Variants in CACNA2D3 observed in about 807,000 individuals in gnomAD.
CACNA2D3 encodes voltage-dependent calcium channel subunit alpha-2/delta-3.
Under a neutral mutation model 160.6 loss-of-function variants are expected in CACNA2D3, and 60 were observed. The observed-to-expected ratio is 0.37, with a 90% CI of 0.30 to 0.46. The LOEUF (loss-of-function observed/expected upper bound fraction) is 0.46. Among genes scored for constraint, CACNA2D3 ranks in the 20% least tolerant of loss-of-function variants. CACNA2D3 has a pLI of 1.00. For missense variants in CACNA2D3, 1,205 were observed against 1,365.0 expected, an observed-to-expected ratio of 0.88 and a Z score of 1.85; for synonymous variants, 558 against 492.9, an observed-to-expected ratio of 1.13 and a Z score of -1.75.
chr3:54,499,149 A>T (rs1701248650), intron 4 of CACNA2D3, among the ~76,000 whole-genome samples: 1 of 152,100 alleles, frequency 6.6e-6, no homozygotes, highest in Admixed American at 6.6e-5. Context: ...CCCCCAATAA[A>T]AATCCTGAAT....
intron 2 of CACNA2D3, among the ~76,000 whole-genome samples, chr3:54,176,847 G>T (rs527599645): frequency 6.6e-6 from 1 of 152,068 alleles, no homozygotes. Context: ...TTTGGTTGGG[G>T]TTGGGGGAGT....
At chr3:54,567,479 T>G (rs1559514642) in intron 6 of CACNA2D3, among the ~76,000 whole-genome samples, 1 of 151,836 alleles carries the variant, frequency 6.6e-6, no homozygotes, top group Non-Finnish European at 1.5e-5. Context: ...TTCAGTAGGA[T>G]AGGCAGTATC....
intron 9 of CACNA2D3, among the ~76,000 whole-genome samples, chr3:54,618,387 A>ATG (rs1575385150): frequency 6.8e-6 from 1 of 147,346 alleles, no homozygotes. Flanking sequence ...ACACACACAC[A>ATG]CACACACACA....
At chr3:54,289,915 G>T (rs1703142373) in intron 2 of CACNA2D3, among the ~76,000 whole-genome samples, 1 of 151,962 alleles carries the variant, frequency 6.6e-6, no homozygotes, top group Non-Finnish European at 1.5e-5. Context: ...ATTCAAGATG[G>T]ATTAAAGATT....
chr3:54,261,946 C>A (rs1702408528), intron 2 of CACNA2D3, among the ~76,000 whole-genome samples: 1 of 152,158 alleles, frequency 6.6e-6, no homozygotes. Flanking sequence ...TATGTCCCAT[C>A]CTAATAAGCC....
At position 54,817,279 on chromosome 3, in the gene CACNA2D3, A is replaced by G. The variant is rs553933776; in HGVS notation, c.1398+409A>G. Among the ~76,000 whole-genome samples the G allele has an allele frequency of 4.7e-4, 71 of 152,366 alleles. 1 individual carries two copies. In the South Asian group the frequency reaches 0.014, roughly 30 times the overall value. On this transcript the variant is annotated intron_variant, in intron 14 of 37. Transcript: ENST00000474759. Reference sequence around the variant, plus strand: ...TTTAAATTTGGGGCTCCTAAGCCAAATCGCTGAAAACTTATTGGATTTTAT... The same window carrying G: ...TTTAAATTTGGGGCTCCTAAGCCAAGTCGCTGAAAACTTATTGGATTTTAT...
intron 14 of CACNA2D3, among the ~76,000 whole-genome samples, chr3:54,831,096 A>G (rs1469811841): frequency 6.6e-6 from 1 of 152,234 alleles, no homozygotes; most frequent in Non-Finnish European, 1.5e-5. Context: ...TAGAAGAAAT[A>G]TGATATTTGA....
At chr3:54,282,522 A>G (rs1320797457) in intron 2 of CACNA2D3, among the ~76,000 whole-genome samples, 2 of 152,174 alleles carry the variant, frequency 1.3e-5, no homozygotes, top group African/African-American at 2.4e-5. Context: ...GGAGTTGAGG[A>G]ATGGAAACTT....
rs534794144 is a variant in CACNA2D3, at chr3:55,049,027, A to G, written c.2988-24418A>G. Among the ~76,000 whole-genome samples the G allele has an allele frequency of 4.9e-3, 733 of 149,750 alleles. 4 individuals carry two copies. The highest frequency in any genetic ancestry group is 0.016 in the African/African-American group (631 of 40,556). ...TATTAGTCTTGCTAGCGGTCTATCA[A>G]TTTTGTTGATCCTTTCAAAAAACCA... is the stretch of plus-strand genomic sequence containing the variant. On this transcript the variant is annotated intron_variant, in intron 35 of 37. Coordinates refer to ENST00000474759, the MANE Select transcript of CACNA2D3 (RefSeq NM_018398.3).
intron 4 of CACNA2D3, among the ~76,000 whole-genome samples, chr3:54,436,817 T>C (rs777743341): frequency 1.3e-5 from 2 of 151,970 alleles, no homozygotes; most frequent in Non-Finnish European, 2.9e-5. Context: ...TTAGGACAAA[T>C]ATGTAAGGCA....
Position 54,405,328 on chromosome 3 carries a change from C to T in CACNA2D3, c.381+18554C>T, listed in dbSNP as rs776638187. On this transcript the variant is annotated intron_variant, in intron 4 of 37. Coordinates refer to ENST00000474759, the MANE Select transcript of CACNA2D3 (RefSeq NM_018398.3). ...CACATTTCCTGTTAAAATTATATTA[C>T]GAAGCATAACAATCAAAACAACATG... Among the ~76,000 whole-genome samples, 10 of 144,370 alleles carry T rather than the reference C, an allele frequency of 6.9e-5. 1 individual carries two copies. The highest frequency in any genetic ancestry group is 2.1e-4 in the Admixed American group (3 of 14,542). 94.7% of individuals were successfully genotyped at this position (144,370 alleles called of 152,430 possible). A position where few individuals can be genotyped will look rare whatever the true frequency, so the allele number is the denominator to read the frequency against.
At chr3:54,850,837 G>A (rs1049645850) in intron 17 of CACNA2D3, among the ~76,000 whole-genome samples, 1 of 152,236 alleles carries the variant, frequency 6.6e-6, no homozygotes, top group African/African-American at 2.4e-5. Flanking sequence ...ATGCTGTAGG[G>A]TTTTCATTCT....
intron 4 of CACNA2D3, among the ~76,000 whole-genome samples, chr3:54,464,580 A>AGT (rs1193333751): frequency 2.0e-5 from 3 of 152,138 alleles, no homozygotes; most frequent in Admixed American, 6.5e-5. Context: ...CTCCGAGCCA[A>AGT]GTGCGGGATA....
At chr3:54,596,900 C>A (rs1283849963) in intron 9 of CACNA2D3, among the ~76,000 whole-genome samples, 2 of 152,162 alleles carry the variant, frequency 1.3e-5, no homozygotes, top group African/African-American at 2.4e-5. Flanking sequence ...TCCCACCTAA[C>A]AAGGGGCTCA....
chr3:54,698,927 A>G (rs974251903), intron 11 of CACNA2D3, among the ~76,000 whole-genome samples: 2 of 152,176 alleles, frequency 1.3e-5, no homozygotes, highest in African/African-American at 2.4e-5. Flanking sequence ...ACAAATCACT[A>G]ACAACCACGT....
intron 2 of CACNA2D3, among the ~76,000 whole-genome samples, chr3:54,311,939 A>G (rs1270742808): frequency 6.6e-6 from 1 of 152,158 alleles, no homozygotes; most frequent in Non-Finnish European, 1.5e-5. Flanking sequence ...AGCTTGAAGG[A>G]ATAAAAAGAG....
At chr3:54,840,085 T>TCAGAAAA (rs1698786593) in intron 16 of CACNA2D3, among the ~76,000 whole-genome samples, 3 of 152,130 alleles carry the variant, frequency 2.0e-5, no homozygotes, top group Non-Finnish European at 4.4e-5. Context: ...GCATCCCACC[T>TCAGAAAA]GTAGAGAACT....
chr3:54,910,359 A>C (rs1700530008), intron 27 of CACNA2D3, among the ~76,000 whole-genome samples: 2 of 152,118 alleles, frequency 1.3e-5, no homozygotes, highest in African/African-American at 4.8e-5. Flanking sequence ...TTTATGCTAT[A>C]TGCTCCTCTG....
intron 2 of CACNA2D3, among the ~76,000 whole-genome samples, chr3:54,268,490 A>G (rs528437633): frequency 6.6e-6 from 1 of 152,098 alleles, no homozygotes; most frequent in East Asian, 1.9e-4. Flanking sequence ...GCTCACTGCA[A>G]CCTCTGCCTC....
Sources: allele counts gnomAD v4.1 joint callset (sites outside exome capture counted in the v4.1 genomes callset), GRCh38; gene constraint gnomAD v4.1.1; transcripts MANE v1.5; gene names NCBI Gene and HGNC (gene_info 2026-07-23, HGNC 2026-07-21).